ZFAT: variants seen among roughly 807,000 people sequenced by gnomAD.
ZFAT encodes zinc finger and AT-hook domain containing, also known as zinc finger protein ZFAT.
A neutral mutation model predicts 117.7 loss-of-function variants in ZFAT; 64 were observed. That is an observed-to-expected ratio of 0.54 (90% CI 0.44 to 0.67). The LOEUF (loss-of-function observed/expected upper bound fraction) is 0.67, where lower values mean the gene tolerates loss of function less well. ZFAT is among the 30% of genes least tolerant of loss of function. ZFAT has a pLI of 0.00. For synonymous variants in ZFAT, 679 were observed against 615.0 expected (o/e 1.10, Z -1.54); for missense variants, 1,433 against 1,584.5 (o/e 0.90, Z 1.62).
intron 11 of ZFAT, among the ~76,000 whole-genome samples, chr8:134,534,462 C>T (rs1238081692): frequency 1.3e-5 from 2 of 152,164 alleles, no homozygotes; most frequent in Admixed American, 6.5e-5. Context: ...GTCCTCTCAT[C>T]TTTGAAGCTT....
intron 15 of ZFAT, among the ~76,000 whole-genome samples, chr8:134,494,997 C>A (rs369993177): frequency 1.3e-5 from 2 of 152,292 alleles, no homozygotes; most frequent in South Asian, 2.1e-4. Context: ...GTAGGAAGAT[C>A]TACTTAATTC....
At chr8:134,683,851 G>A (rs548508564) in intron 1 of ZFAT, among the ~76,000 whole-genome samples, 8 of 152,202 alleles carry the variant, frequency 5.3e-5, no homozygotes, top group East Asian at 1.9e-4. Context: ...GTCAATGGAG[G>A]CCCAAATATT....
At chr8:134,678,787 C>T (rs1218456290) in intron 1 of ZFAT, among the ~76,000 whole-genome samples, 1 of 152,150 alleles carries the variant, frequency 6.6e-6, no homozygotes, top group African/African-American at 2.4e-5. Context: ...TAACACCACA[C>T]ATCTACAGAT....
chr8:134,769,229 A>C, the ZFAT span, among the ~76,000 whole-genome samples: 1 of 152,186 alleles, frequency 6.6e-6, no homozygotes. Flanking sequence ...AAGATAAGGC[A>C]AGTCCCTTTC....
chr8:134,726,599 G>C, the ZFAT span, among the ~76,000 whole-genome samples: 1 of 152,036 alleles, frequency 6.6e-6, no homozygotes, highest in Non-Finnish European at 1.5e-5. Context: ...TTCAGGGTTT[G>C]GAGGGTTTTC....
At chr8:134,562,730 AC>A (rs1340194917) in intron 11 of ZFAT, among the ~76,000 whole-genome samples, 1 of 152,202 alleles carries the variant, frequency 6.6e-6, no homozygotes, top group Non-Finnish European at 1.5e-5. Flanking sequence ...CCGGACACCA[AC>A]TATGTAATGG....
At chr8:134,585,808 G>C (rs1376580405) in intron 9 of ZFAT, among the ~76,000 whole-genome samples, 1 of 152,174 alleles carries the variant, frequency 6.6e-6, no homozygotes, top group Non-Finnish European at 1.5e-5. Flanking sequence ...CCAGTGTTTA[G>C]AACTGCTGTA....
chr8:134,722,861 T>C, the ZFAT span: 2 of 152,174 alleles, frequency 1.3e-5, no homozygotes, highest in Non-Finnish European at 2.9e-5. Context: ...AAAGGGCCTT[T>C]AAAGAGGTTA....
At chr8:134,728,923 AT>A in the ZFAT span, among the ~76,000 whole-genome samples, 2 of 151,766 alleles carry the variant, frequency 1.3e-5, no homozygotes, top group African/African-American at 2.4e-5. Flanking sequence ...CTCATTCTGG[AT>A]TTTTTTTAAT....
intron 11 of ZFAT, among the ~76,000 whole-genome samples, chr8:134,564,239 A>G (rs1359068102): frequency 6.6e-6 from 1 of 151,046 alleles, no homozygotes; most frequent in Non-Finnish European, 1.5e-5. Context: ...GTTGCCCAAG[A>G]CACCACTGAA....
At position 134,635,045 on chromosome 8, in the gene ZFAT, A is replaced by T. The variant is rs1208840362; in HGVS notation, c.448+2416T>A. Among the ~76,000 whole-genome samples the T allele has an allele frequency of 2.0e-5, 3 of 152,178 alleles. No individual in the cohort carries two copies. The East Asian group carries it at 5.8e-4, about 29-fold the overall frequency. ...CTATGAGAAGCGAGTGTCGCAGCTG[A>T]TCTGTCAGGAGGCAGAGCTCAGGTG... On this transcript the variant is annotated intron_variant, in intron 3 of 15. Coordinates refer to ENST00000377838, the MANE Select transcript of ZFAT (RefSeq NM_020863.4).
At chr8:134,667,622 AG>A (rs1832300972) in intron 1 of ZFAT, among the ~76,000 whole-genome samples, 1 of 150,872 alleles carries the variant, frequency 6.6e-6, no homozygotes, top group Admixed American at 6.6e-5. Flanking sequence ...AAAAAAAAAG[AG>A]GGGGGCAGCT....
chr8:134,813,002 T>C, the ZFAT span, among the ~76,000 whole-genome samples: 1 of 152,200 alleles, frequency 6.6e-6, no homozygotes, highest in Non-Finnish European at 1.5e-5. Flanking sequence ...GTACTGTCTG[T>C]GCTGTTAACT....
intron 1 of ZFAT, among the ~76,000 whole-genome samples, chr8:134,683,562 G>C (rs1009537277): frequency 6.6e-6 from 1 of 152,160 alleles, no homozygotes; most frequent in Non-Finnish European, 1.5e-5. Context: ...AAGGAGAAGG[G>C]AGTGGAAGCC....
chr8:134,641,567 C>G (rs1426631631), intron 2 of ZFAT, among the ~76,000 whole-genome samples: 1 of 152,178 alleles, frequency 6.6e-6, no homozygotes, highest in East Asian at 1.9e-4. Context: ...TGTATGCGCC[C>G]ACACCACTCC....
intron 3 of ZFAT, among the ~76,000 whole-genome samples, chr8:134,636,013 G>T (rs1317144109): frequency 6.6e-6 from 1 of 152,170 alleles, no homozygotes; most frequent in African/African-American, 2.4e-5. Flanking sequence ...TCATTGCCTT[G>T]AGAGTTCTTT....
At position 134,602,041 on chromosome 8, in the gene ZFAT, C is replaced by G. The variant is rs1827518170; in HGVS notation, c.1678G>C (p.Val560Leu). ...EAPGEMPAPA[V>L]HLASPQAEST... Reference sequence around the variant, plus strand: ...TCGGCCTGCGGGGAGGCCAGGTGCACAGCTGGGGCAGGCATTTCCCCAGGG... The same window carrying G: ...TCGGCCTGCGGGGAGGCCAGGTGCAGAGCTGGGGCAGGCATTTCCCCAGGG... The change falls in exon 6 of 16, where the codon GTG (valine) becomes CTG (leucine). Residue 560 changes from valine to leucine, a missense_variant. Coordinates refer to ENST00000377838, the MANE Select transcript of ZFAT (RefSeq NM_020863.4). The G allele has an allele frequency of 3.1e-6, 5 of 1,611,796 alleles. No individual in the cohort carries two copies. The Admixed American group carries it at 6.7e-5, about 22-fold the overall frequency.
At chr8:134,508,492 C>T (rs915187796) in intron 15 of ZFAT, among the ~76,000 whole-genome samples, 2 of 152,188 alleles carry the variant, frequency 1.3e-5, no homozygotes, top group Admixed American at 6.5e-5. Context: ...CAATTTCAGA[C>T]AACTCTAGTA....
At chr8:134,671,193 A>G (rs1832545393) in intron 1 of ZFAT, among the ~76,000 whole-genome samples, 1 of 152,244 alleles carries the variant, frequency 6.6e-6, no homozygotes, top group Non-Finnish European at 1.5e-5. Context: ...AGCTGGTACC[A>G]TTCATTCTGA....
Sources: allele counts gnomAD v4.1 joint callset (sites outside exome capture counted in the v4.1 genomes callset), GRCh38; gene constraint gnomAD v4.1.1; transcripts MANE v1.5; gene names NCBI Gene and HGNC (gene_info 2026-07-23, HGNC 2026-07-21).